The following RGS6 variants were observed in gnomAD, a reference collection of about 807,000 sequenced individuals.
The protein encoded by RGS6 is regulator of G protein signaling 6.
In RGS6, 30 loss-of-function variants were observed where a neutral mutation model predicts 78.5. The ratio of observed to expected loss-of-function variants is 0.38; its 90% CI spans 0.29 to 0.52. RGS6 has a LOEUF of 0.52. Among genes scored for constraint, RGS6 ranks in the 20% least tolerant of loss-of-function variants. The pLI is 0.85. For missense variants in RGS6, 495 were observed against 609.7 expected (o/e 0.81, Z 1.98); for synonymous variants, 206 against 206.0 (o/e 1.00, Z 0.00).
intron 3 of RGS6, among the ~76,000 whole-genome samples, chr14:72,375,633 ACTGTGTGCAGAC>A (rs1022740555): frequency 6.6e-6 from 1 of 152,234 alleles, no homozygotes; most frequent in African/African-American, 2.4e-5. Context: ...AAGCTGACCC[ACTGTGTGCAGAC>A]ATATGCCTCC....
intron 3 of RGS6, among the ~76,000 whole-genome samples, chr14:72,423,694 G>A (rs1047127638): frequency 3.9e-5 from 6 of 152,146 alleles, no homozygotes; most frequent in East Asian, 1.9e-4. Flanking sequence ...GGAGGGGGAC[G>A]AGGGGTGAAA....
At chr14:72,213,658 G>A (rs1175232478) in intron 2 of RGS6, among the ~76,000 whole-genome samples, 1 of 152,100 alleles carries the variant, frequency 6.6e-6, no homozygotes, top group Non-Finnish European at 1.5e-5. Context: ...TTCTTGTTCA[G>A]CTGTCACATC....
intron 2 of RGS6, among the ~76,000 whole-genome samples, chr14:72,225,506 T>C (rs1363344427): frequency 1.3e-5 from 2 of 152,026 alleles, no homozygotes; most frequent in African/African-American, 4.8e-5. Flanking sequence ...TTGGTATTAA[T>C]TTTGTAGAAA....
intron 2 of RGS6, among the ~76,000 whole-genome samples, chr14:71,996,959 CAT>C (rs1252119388): frequency 6.6e-6 from 1 of 152,002 alleles, no homozygotes; most frequent in East Asian, 1.9e-4. Flanking sequence ...GTGAGAATAA[CAT>C]AGAGTTCTTA....
chr14:72,529,859 C>T (rs963599420), intron 15 of RGS6, among the ~76,000 whole-genome samples: 3 of 152,220 alleles, frequency 2.0e-5, no homozygotes, highest in African/African-American at 7.2e-5. Flanking sequence ...CGTCTCTGTG[C>T]AAAGTCTATC....
intron 2 of RGS6, among the ~76,000 whole-genome samples, chr14:72,206,834 C>A (rs538270874): frequency 2.9e-5 from 4 of 138,392 alleles, no homozygotes; most frequent in African/African-American, 8.2e-5. Flanking sequence ...AGTGGGGACA[C>A]AGCCAAACCA....
intron 2 of RGS6, among the ~76,000 whole-genome samples, chr14:72,093,663 A>T (rs2095335568): frequency 6.6e-6 from 1 of 151,886 alleles, no homozygotes; most frequent in African/African-American, 2.4e-5. Context: ...TCTAAGTCAG[A>T]CTCTGTTGTA....
At chr14:72,384,131 A>G (rs189076505) in intron 3 of RGS6, among the ~76,000 whole-genome samples, 4 of 152,340 alleles carry the variant, frequency 2.6e-5, no homozygotes, top group Admixed American at 2.6e-4. Context: ...GGCACAGGGC[A>G]TGTCTCAGAC....
chr14:72,371,440 T>C (rs2083485479), intron 3 of RGS6, among the ~76,000 whole-genome samples: 2 of 152,184 alleles, frequency 1.3e-5, no homozygotes, highest in African/African-American at 4.8e-5. Context: ...CTAATTGTAC[T>C]CTAAAATTTC....
intron 2 of RGS6, among the ~76,000 whole-genome samples, chr14:71,985,898 A>G (rs1421672373): frequency 6.6e-6 from 1 of 152,224 alleles, no homozygotes; most frequent in Non-Finnish European, 1.5e-5. Flanking sequence ...TACTCCCCAC[A>G]GCATTTTTTC....
chr14:72,252,060 A>C (rs2055934771), intron 2 of RGS6, among the ~76,000 whole-genome samples: 1 of 152,198 alleles, frequency 6.6e-6, no homozygotes, highest in African/African-American at 2.4e-5. Flanking sequence ...AGAATGTGTT[A>C]GACTAGTTTT....
chr14:72,029,625 A>T (rs1249336989), intron 2 of RGS6, among the ~76,000 whole-genome samples: 1 of 152,166 alleles, frequency 6.6e-6, no homozygotes, highest in African/African-American at 2.4e-5. Context: ...GTGTGTTCTG[A>T]TTCCTGCTTA....
intron 3 of RGS6, among the ~76,000 whole-genome samples, chr14:72,379,641 G>A (rs972867862): frequency 6.6e-5 from 10 of 151,892 alleles, no homozygotes; most frequent in African/African-American, 2.2e-4. Context: ...ACCTTTGTAA[G>A]GAAAACTACA....
At chr14:71,896,531 A>G in the RGS6 span, among the ~76,000 whole-genome samples, 3 of 152,168 alleles carry the variant, frequency 2.0e-5, no homozygotes, top group African/African-American at 7.2e-5. Flanking sequence ...GGTCTTTATG[A>G]CTTGTATCTT....
At chr14:72,295,205 G>A in intron 2 of RGS6, among the ~76,000 whole-genome samples, 1 of 150,650 alleles carries the variant, frequency 6.6e-6, no homozygotes, top group East Asian at 2.0e-4. Flanking sequence ...GCAGGAGAAT[G>A]GCGTGAACCC....
rs3784057 is a variant in RGS6 at position 71,982,570 on chromosome 14, C to T, written c.84+17695C>T. ...TGTAGGGAGCCCTTCTGGTTCCAAC[C>T]AAAACCCTGGGTGCCCCTCCTCCTT... On this transcript the variant is annotated intron_variant, in intron 2 of 17. Coordinates refer to ENST00000553525, the MANE Select transcript of RGS6 (RefSeq NM_001204424.2). 3.4e-4 allele frequency among the ~76,000 whole-genome samples: 52 copies of T among 152,236 alleles called. No homozygotes were observed. The East Asian group carries it at 9.9e-3, about 29-fold the overall frequency.
chr14:72,067,467 C>T (rs2094205530), intron 2 of RGS6, among the ~76,000 whole-genome samples: 1 of 152,050 alleles, frequency 6.6e-6, no homozygotes, highest in Admixed American at 6.6e-5. Flanking sequence ...TATCCCAGAA[C>T]TTAAAGTAAA....
intron 10 of RGS6, among the ~76,000 whole-genome samples, chr14:72,475,783 G>A (rs1452113783): frequency 2.0e-5 from 3 of 149,918 alleles, no homozygotes; most frequent in Non-Finnish European, 4.4e-5. Context: ...TATTTCTTGT[G>A]ATGACCAATT....
intron 2 of RGS6, among the ~76,000 whole-genome samples, chr14:72,215,551 A>G (rs2045362016): frequency 6.6e-6 from 1 of 152,152 alleles, no homozygotes; most frequent in South Asian, 2.1e-4. Context: ...TGATGCGTCC[A>G]CCCTACTGCT....
Sources: gnomAD v4.1 joint callset for allele counts (sites outside exome capture counted in the v4.1 genomes callset) on GRCh38, gnomAD v4.1.1 for gene constraint, MANE v1.5 for transcripts, NCBI Gene and HGNC (gene_info 2026-07-23, HGNC 2026-07-21) for gene names.